ROBO1: variants seen among roughly 807,000 people sequenced by gnomAD.
ROBO1 encodes roundabout homolog 1.
A neutral mutation model predicts 195.9 loss-of-function variants in ROBO1; 149 were observed. The ratio of observed to expected loss-of-function variants is 0.76; its 90% CI spans 0.67 to 0.87. The LOEUF (loss-of-function observed/expected upper bound fraction) is 0.87, where lower values mean the gene tolerates loss of function less well. ROBO1 is among the 40% of genes least tolerant of loss of function. The pLI is 0.00. For synonymous variants in ROBO1, 816 were observed against 733.2 expected, an observed-to-expected ratio of 1.11 and a Z score of -1.82; for missense variants, 1,933 against 2,068.3, an observed-to-expected ratio of 0.93 and a Z score of 1.27.
chr3:79,312,954 G>A (rs781232780), intron 2 of ROBO1, among the ~76,000 whole-genome samples: 3 of 151,938 alleles, frequency 2.0e-5, no homozygotes, highest in East Asian at 1.9e-4. Context: ...TTAGCTCAAC[G>A]TTGCCATTTA....
Position 78,978,059 on chromosome 3 carries a change from T to C in ROBO1, c.173-39132A>G, listed in dbSNP as rs1240391841. On this transcript the variant is annotated intron_variant, in intron 3 of 30. Coordinates refer to ENST00000464233, the MANE Select transcript of ROBO1 (RefSeq NM_002941.4). ...TGCAGCTCCAGAATCTTAGTTATTT[T>C]TGCTCTTTTTTCAAATACAGAAGAG... Among the ~76,000 whole-genome samples the C allele has an allele frequency of 2.6e-5, 4 of 152,332 alleles. No homozygotes were observed. The East Asian group carries it at 7.7e-4, about 29-fold the overall frequency.
At chr3:78,782,301 A>C (rs1184471687) in intron 4 of ROBO1, among the ~76,000 whole-genome samples, 2 of 151,704 alleles carry the variant, frequency 1.3e-5, no homozygotes, top group African/African-American at 4.8e-5. Flanking sequence ...GGTTTAAGCG[A>C]TTCTCTTGAC....
At chr3:78,806,002 C>T (rs1358464625) in intron 4 of ROBO1, among the ~76,000 whole-genome samples, 5 of 152,088 alleles carry the variant, frequency 3.3e-5, no homozygotes, top group African/African-American at 1.2e-4. Flanking sequence ...CTTTGTCACC[C>T]ATGCTGGAGT....
At chr3:79,191,757 T>C in intron 2 of ROBO1, among the ~76,000 whole-genome samples, 2 of 151,542 alleles carry the variant, frequency 1.3e-5, no homozygotes, top group South Asian at 4.1e-4. Flanking sequence ...TAATGTACTT[T>C]AATTTTTCTA....
chr3:79,767,042 A>G (rs1705037251), intron 1 of ROBO1, among the ~76,000 whole-genome samples: 1 of 151,994 alleles, frequency 6.6e-6, no homozygotes, highest in Non-Finnish European at 1.5e-5. Flanking sequence ...CATCAGCACC[A>G]TGTTTTCAAG....
chr3:78,975,441 G>C lies in ROBO1; in HGVS notation c.173-36514C>G, dbSNP rs144011213. On this transcript the variant is annotated intron_variant, in intron 3 of 30. Transcript: ENST00000464233. ...TGAGAATATTGAGAGAGAATATTGA[G>C]GGCACAGTGGATAAAAAGAATGAGA... 3.2e-3 allele frequency among the ~76,000 whole-genome samples: 482 copies of C among 152,128 alleles called. 3 individuals carry two copies. Among genetic ancestry groups the C allele is most frequent in the African/African-American group, 0.011 (464 of 41,498 alleles).
intron 3 of ROBO1, among the ~76,000 whole-genome samples, chr3:79,040,603 T>G: frequency 6.6e-6 from 1 of 152,166 alleles, no homozygotes; most frequent in East Asian, 1.9e-4. Context: ...CTCATATATA[T>G]AATTTTCTAC....
chr3:78,764,004 T>G (rs1219851613), intron 4 of ROBO1, among the ~76,000 whole-genome samples: 2 of 152,188 alleles, frequency 1.3e-5, no homozygotes, highest in Non-Finnish European at 2.9e-5. Flanking sequence ...GATGGAGGGC[T>G]GCAAATAGAA....
At chr3:78,718,804 A>AGGGAGGG (rs1559783405) in intron 5 of ROBO1, among the ~76,000 whole-genome samples, 1 of 76,058 alleles carries the variant, frequency 1.3e-5, no homozygotes, top group Non-Finnish European at 2.8e-5. Context: ...GGAAGGAAGG[A>AGGGAGGG]AGGGAGGGAG....
intron 2 of ROBO1, among the ~76,000 whole-genome samples, chr3:79,446,136 C>G (rs888620471): frequency 6.6e-6 from 1 of 152,116 alleles, no homozygotes; most frequent in Non-Finnish European, 1.5e-5. Flanking sequence ...TGCTTTTCCC[C>G]TATTACAACA....
intron 3 of ROBO1, among the ~76,000 whole-genome samples, chr3:78,973,548 T>A (rs921323400): frequency 7.1e-6 from 1 of 141,488 alleles, no homozygotes; most frequent in Non-Finnish European, 1.5e-5. Flanking sequence ...TATAAGAATA[T>A]ATATAAGAAG....
chr3:79,365,590 G>A (rs977956137), intron 2 of ROBO1, among the ~76,000 whole-genome samples: 4 of 151,962 alleles, frequency 2.6e-5, no homozygotes, highest in African/African-American at 9.7e-5. Context: ...TTAACTCTCC[G>A]TGTTAAAACG....
At chr3:79,001,848 A>C (rs561143224) in intron 3 of ROBO1, among the ~76,000 whole-genome samples, 2 of 152,172 alleles carry the variant, frequency 1.3e-5, no homozygotes, top group Non-Finnish European at 2.9e-5. Context: ...AATAATCAAT[A>C]TTAAGGATAA....
chr3:78,608,023 ACACAC>A (rs1413159369), intron 28 of ROBO1, among the ~76,000 whole-genome samples: 1 of 78,090 alleles, frequency 1.3e-5, no homozygotes, highest in Non-Finnish European at 2.6e-5. Context: ...TTTCATTTAC[ACACAC>A]ACACACACAC....
intron 2 of ROBO1, among the ~76,000 whole-genome samples, chr3:79,446,728 A>G (rs2039271513): frequency 1.3e-5 from 2 of 152,194 alleles, no homozygotes; most frequent in South Asian, 2.1e-4. Flanking sequence ...TTTTGACATT[A>G]TGTTCTACTC....
intron 2 of ROBO1, among the ~76,000 whole-genome samples, chr3:79,226,115 T>C (rs2082222962): frequency 6.6e-6 from 1 of 152,182 alleles, no homozygotes; most frequent in East Asian, 1.9e-4. Flanking sequence ...AAATCACCAC[T>C]CTTAATCTTC....
intron 4 of ROBO1, among the ~76,000 whole-genome samples, chr3:78,766,246 T>C (rs2083224909): frequency 6.6e-6 from 1 of 152,154 alleles, no homozygotes; most frequent in Non-Finnish European, 1.5e-5. Context: ...GTCTATTATT[T>C]ATATAGCAGG....
chr3:79,204,868 T>A (rs2081836657), intron 2 of ROBO1, among the ~76,000 whole-genome samples: 1 of 152,322 alleles, frequency 6.6e-6, no homozygotes, highest in South Asian at 2.1e-4. Context: ...ACTTTGCACA[T>A]ACTTTTCTTG....
At chr3:79,324,340 G>T (rs1484616007) in intron 2 of ROBO1, among the ~76,000 whole-genome samples, 1 of 152,060 alleles carries the variant, frequency 6.6e-6, no homozygotes, top group Admixed American at 6.6e-5. Context: ...GAAGTTTTCT[G>T]GTCTCATAGA....
Sources: gnomAD v4.1 joint callset for allele counts (sites outside exome capture counted in the v4.1 genomes callset) on GRCh38, gnomAD v4.1.1 for gene constraint, MANE v1.5 for transcripts, NCBI Gene and HGNC (gene_info 2026-07-23, HGNC 2026-07-21) for gene names.